The following DDX4 variants were observed in gnomAD, a reference collection of about 807,000 sequenced individuals.
DDX4 encodes DEAD-box helicase 4.
A neutral mutation model predicts 100.0 loss-of-function variants in DDX4; 25 were observed. That is an observed-to-expected ratio of 0.25 (90% CI 0.18 to 0.35). The LOEUF is 0.35. Among genes scored for constraint, DDX4 ranks in the 10% least tolerant of loss-of-function variants. The probability of loss-of-function intolerance (pLI) is 1.00; values close to 1 mark genes in which losing one functional copy is unlikely to be tolerated. For synonymous variants in DDX4, 259 were observed against 275.7 expected, an observed-to-expected ratio of 0.94 and a Z score of 0.60; for missense variants, 635 against 882.4, an observed-to-expected ratio of 0.72 and a Z score of 3.55.
chr5:55,740,201 G>C (rs1349935089), intron 2 of DDX4, among the ~76,000 whole-genome samples: 2 of 152,012 alleles, frequency 1.3e-5, no homozygotes, highest in Non-Finnish European at 2.9e-5. Flanking sequence ...ACAGTGTCTT[G>C]CTCTGTCACC....
intron 10 of DDX4, among the ~76,000 whole-genome samples, chr5:55,782,788 TTTTTC>T (rs1317317667): frequency 6.6e-6 from 1 of 151,376 alleles, no homozygotes; most frequent in Non-Finnish European, 1.5e-5. Context: ...CTCTTAAAGT[TTTTTC>T]TTTTCTTTTT....
At position 55,764,016 on chromosome 5, in the gene DDX4, T is replaced by G; in HGVS notation, c.286T>G (p.Phe96Val). 4 of 1,607,026 alleles carry G rather than the reference T, an allele frequency of 2.5e-6. No individual in the cohort carries two copies. The highest frequency in any genetic ancestry group is 2.6e-6 in the Non-Finnish European group (3 of 1,173,890). Reference sequence around the variant, plus strand: ...GTTTCATTTTATATTTTGTATAGGTTTTTCAAACAGCAGGTTTGAAGATGG... The same window carrying G: ...GTTTCATTTTATATTTTGTATAGGTGTTTCAAACAGCAGGTTTGAAGATGG... ...GVGKSFGNRG[F>V]SNSRFEDGDS... The change falls in exon 6 of 22, where the codon TTT (phenylalanine) becomes GTT (valine). Residue 96 changes from phenylalanine to valine, a missense_variant and splice_region_variant. Around this residue, in one of 4 missense-constraint regions of DDX4, gnomAD observed 446 missense variants for 540.8 expected, o/e 0.82. Transcript: ENST00000505374.
intron 10 of DDX4, 67 bp from the exon 11 acceptor site, chr5:55,785,230 C>T: frequency 9.3e-7 from 1 of 1,070,844 alleles, no homozygotes. Context: ...TGAAGACAAG[C>T]AACGAAAATA....
chr5:55,777,284 T>G (rs1349690796), intron 7 of DDX4, among the ~76,000 whole-genome samples: 1 of 152,028 alleles, frequency 6.6e-6, no homozygotes, highest in Non-Finnish European at 1.5e-5. Context: ...AATCATAATA[T>G]AGGTAAGCAT....
At chr5:55,761,492 A>G (rs908698685) in intron 4 of DDX4, among the ~76,000 whole-genome samples, 2 of 151,812 alleles carry the variant, frequency 1.3e-5, no homozygotes, top group African/African-American at 4.8e-5. Context: ...TCCGATCAGA[A>G]CTCTCAGTTG....
chr5:55,746,437 T>A (rs1300916032), intron 3 of DDX4, among the ~76,000 whole-genome samples: 1 of 152,198 alleles, frequency 6.6e-6, no homozygotes, highest in Non-Finnish European at 1.5e-5. Context: ...TTTAATGGAT[T>A]ACTATAAAAC....
At chr5:55,770,719 G>A (rs2111885313) in intron 7 of DDX4, among the ~76,000 whole-genome samples, 1 of 152,270 alleles carries the variant, frequency 6.6e-6, no homozygotes, top group Non-Finnish European at 1.5e-5. Flanking sequence ...AATGAGGGAA[G>A]ACTGTCTCCT....
chr5:55,781,504 T>C (rs1741909234), intron 9 of DDX4, among the ~76,000 whole-genome samples: 1 of 152,024 alleles, frequency 6.6e-6, no homozygotes, highest in Admixed American at 6.6e-5. Flanking sequence ...AGGCCGGGCG[T>C]GGTGGCTCAT....
At chr5:55,779,426 G>C (rs528232542) in intron 7 of DDX4, among the ~76,000 whole-genome samples, 4 of 152,210 alleles carry the variant, frequency 2.6e-5, no homozygotes, top group African/African-American at 9.6e-5. Flanking sequence ...GCATTAATCT[G>C]GTTCTGCCCT....
chr5:55,750,010 A>G (rs1357923514), intron 3 of DDX4, among the ~76,000 whole-genome samples: 2 of 152,014 alleles, frequency 1.3e-5, no homozygotes, highest in Non-Finnish European at 2.9e-5. Flanking sequence ...TTTTAATCAC[A>G]CTAGAAAAAA....
intron 2 of DDX4, among the ~76,000 whole-genome samples, chr5:55,740,060 T>C (rs1758892785): frequency 6.6e-6 from 1 of 152,228 alleles, no homozygotes; most frequent in African/African-American, 2.4e-5. Flanking sequence ...CTTCTCATAA[T>C]AAAAATATAG....
intron 5 of DDX4, 83 bp downstream of exon 5, chr5:55,763,335 T>C (rs1740684955): frequency 4.6e-6 from 4 of 878,742 alleles, no homozygotes; most frequent in Admixed American, 1.7e-5. Context: ...TGACAGACAT[T>C]CCATATTGAC....
At chr5:55,747,609 T>C (rs1759312458) in intron 3 of DDX4, among the ~76,000 whole-genome samples, 1 of 152,204 alleles carries the variant, frequency 6.6e-6, no homozygotes, top group African/African-American at 2.4e-5. Context: ...ACCATTTTAA[T>C]GTGTACAGTT....
At chr5:55,761,547 G>T (rs1003129728) in intron 4 of DDX4, among the ~76,000 whole-genome samples, 1 of 151,704 alleles carries the variant, frequency 6.6e-6, no homozygotes, top group African/African-American at 2.4e-5. Context: ...GGACATTGTA[G>T]ACCCATGAGT....
At chr5:55,799,606 G>A (rs1023515683) in intron 18 of DDX4, among the ~76,000 whole-genome samples, 1 of 152,072 alleles carries the variant, frequency 6.6e-6, no homozygotes, top group Non-Finnish European at 1.5e-5. Context: ...GAACTCCTGG[G>A]CTCGAGTGAT....
chr5:55,785,261 T>A (rs756376232), intron 10 of DDX4, 36 bp from the exon 11 acceptor site: 25 of 1,466,094 alleles, frequency 1.7e-5, no homozygotes, highest in Non-Finnish European at 2.4e-5. Flanking sequence ...CAGCCTTACA[T>A]CTTGACCGAT....
intron 18 of DDX4, among the ~76,000 whole-genome samples, chr5:55,809,113 G>T (rs949404719): frequency 6.6e-6 from 1 of 152,224 alleles, no homozygotes; most frequent in Non-Finnish European, 1.5e-5. Flanking sequence ...GACCCTTTGA[G>T]CCAGGTGTGG....
intron 3 of DDX4, among the ~76,000 whole-genome samples, chr5:55,749,278 A>G (rs942586665): frequency 6.6e-6 from 1 of 152,180 alleles, no homozygotes; most frequent in Non-Finnish European, 1.5e-5. Flanking sequence ...AAAAATTTTT[A>G]AAAATTAGCT....
chr5:55,746,618 A>C (rs897119676), intron 3 of DDX4, among the ~76,000 whole-genome samples: 7 of 152,208 alleles, frequency 4.6e-5, no homozygotes, highest in Non-Finnish European at 1.0e-4. Context: ...CTGTCATACC[A>C]TCAGGATATC....
Sources: allele counts gnomAD v4.1 joint callset (sites outside exome capture counted in the v4.1 genomes callset), GRCh38; gene constraint gnomAD v4.1.1; regional missense constraint gnomAD v4.1.1; transcripts MANE v1.5; gene names NCBI Gene and HGNC (gene_info 2026-07-23, HGNC 2026-07-21).